The following MRPS31 variants were observed in gnomAD, a reference collection of about 807,000 sequenced individuals.
The protein encoded by MRPS31 is mitochondrial ribosomal protein S31.
Under a neutral mutation model 43.1 loss-of-function variants are expected in MRPS31, and 32 were observed. The ratio of observed to expected loss-of-function variants is 0.74; its 90% CI spans 0.56 to 1.00. The LOEUF (loss-of-function observed/expected upper bound fraction) is 1.00, where lower values mean the gene tolerates loss of function less well. Ranked by LOEUF, MRPS31 falls within the 50% of genes least tolerant of loss-of-function variation. MRPS31 has a pLI of 0.00. For synonymous variants in MRPS31, 165 were observed against 161.6 expected (o/e 1.02, Z -0.16); for missense variants, 437 against 466.7 (o/e 0.94, Z 0.59).
At chr13:40,733,440 T>C (rs1449181941) in intron 6 of MRPS31, among the ~76,000 whole-genome samples, 1 of 152,100 alleles carries the variant, frequency 6.6e-6, no homozygotes, top group Non-Finnish European at 1.5e-5. Flanking sequence ...AATTATCAAA[T>C]GATACAAGAA....
In MRPS31 at chr13:40,738,131, A is replaced by C. The variant is rs1168447318; in HGVS notation, c.959-8530T>G. On this transcript the variant is annotated intron_variant, in intron 6 of 6. Coordinates refer to ENST00000323563, the MANE Select transcript of MRPS31 (RefSeq NM_005830.4). ...ATCACCACCAATCCCACAGAAATAC[A>C]AACTACCATCAGAGAATACTACAAA... 2.0e-5 allele frequency among the ~76,000 whole-genome samples: 3 copies of C among 152,320 alleles called. No individual in the cohort carries two copies. The South Asian group carries it at 6.2e-4, about 32-fold the overall frequency.
chr13:40,740,949 A>T (rs866128702), intron 6 of MRPS31, among the ~76,000 whole-genome samples: 1,870 of 148,772 alleles, frequency 0.013, 47 homozygotes, highest in African/African-American at 0.043. Context: ...AAAAAAATTA[A>T]AAAAAAAAAC....
chr13:40,770,962 C>T (rs770860453), intron 1 of MRPS31, 23 bp downstream of exon 1: 2 of 1,613,992 alleles, frequency 1.2e-6, no homozygotes, highest in South Asian at 1.1e-5. Flanking sequence ...CAGGACGGGG[C>T]ACGGGGTTGC....
chr13:40,742,689 G>A (rs73457381), intron 6 of MRPS31, among the ~76,000 whole-genome samples: 6,853 of 152,148 alleles, frequency 0.045, 319 homozygotes, highest in East Asian at 0.14. Context: ...ACATATTTCA[G>A]ATACCCTAGA....
chr13:40,732,041 AGGC>A (rs1879715605), intron 6 of MRPS31, among the ~76,000 whole-genome samples: 2 of 152,254 alleles, frequency 1.3e-5, no homozygotes, highest in South Asian at 4.1e-4. Context: ...AAATAGAAAA[AGGC>A]TACAGAGCTA....
At chr13:40,769,373 CATATATATATATAT>C (rs201190639) in intron 1 of MRPS31, among the ~76,000 whole-genome samples, 2,219 of 65,516 alleles carry the variant, frequency 0.034, 84 homozygotes, top group South Asian at 0.09. Context: ...AGACTCTGTC[CATATATATATATAT>C]ATATATATAT....
At chr13:40,760,306 A>G (rs1223476160) in intron 2 of MRPS31, among the ~76,000 whole-genome samples, 2 of 152,076 alleles carry the variant, frequency 1.3e-5, no homozygotes, top group Non-Finnish European at 2.9e-5. Flanking sequence ...TGTGTGGGTC[A>G]CAGGGACTTA....
At chr13:40,752,807 A>T (rs1160427763) in intron 5 of MRPS31, among the ~76,000 whole-genome samples, 3 of 151,994 alleles carry the variant, frequency 2.0e-5, no homozygotes, top group Non-Finnish European at 2.9e-5. Context: ...TAGCACAATC[A>T]TAGCTCACAG....
chr13:40,767,646 A>G (rs1880888227), intron 1 of MRPS31, among the ~76,000 whole-genome samples: 2 of 152,144 alleles, frequency 1.3e-5, no homozygotes, highest in African/African-American at 4.8e-5. Context: ...TGGGGTGGCC[A>G]GGGGAGGTCT....
intron 5 of MRPS31, among the ~76,000 whole-genome samples, chr13:40,751,534 T>C (rs1347334928): frequency 6.6e-6 from 1 of 152,184 alleles, no homozygotes; most frequent in East Asian, 1.9e-4. Context: ...GGATAACCAG[T>C]AGGGCCTATG....
rs1378020877 is a variant in MRPS31, at chr13:40,759,609, G to A, written c.441-503C>T. Among the ~76,000 whole-genome samples the A allele has an allele frequency of 3.9e-5, 6 of 152,064 alleles. No homozygotes were observed. In the South Asian group the frequency reaches 1.0e-3, roughly 26 times the overall value. On this transcript the variant is annotated intron_variant, in intron 2 of 6. Transcript: ENST00000323563. ...CAAGAATTCTCAACTATTAGGTACC[G>A]GTTTTATATAAACTTTGAAATGTTA...
intron 2 of MRPS31, among the ~76,000 whole-genome samples, chr13:40,762,782 T>TTGTGTG (rs60906711): frequency 1.1e-4 from 14 of 129,990 alleles, no homozygotes; most frequent in East Asian, 6.7e-4. Flanking sequence ...AGTATAGACA[T>TTGTGTG]TGTGTGTGTG....
Position 40,729,507 on chromosome 13 carries a change from C to T in MRPS31, c.1053G>A (p.Met351Ile), listed in dbSNP as rs34392264. The change falls in exon 7 of 7, where the codon ATG (methionine) becomes ATA (isoleucine). Residue 351 changes from methionine (M) to isoleucine (I), a missense_variant. Coordinates refer to ENST00000323563, the MANE Select transcript of MRPS31 (RefSeq NM_005830.4). ...FPKQGPIRHF[M>I]ELVTCGLSKN... ...TGGAAAGGCCACAAGTCACCAGCTCCATGAAGTGGCGAATTGGTCCTTGTT... is the reference window on the plus strand; with the variant it reads ...TGGAAAGGCCACAAGTCACCAGCTCTATGAAGTGGCGAATTGGTCCTTGTT... The T allele has an allele frequency of 3.9e-4, 630 of 1,613,984 alleles. 5 individuals are homozygous for T. The African/African-American group carries it at 7.5e-3, about 19-fold the overall frequency.
chr13:40,729,916 G>GA (rs1879629369), intron 6 of MRPS31, among the ~76,000 whole-genome samples: 1 of 151,764 alleles, frequency 6.6e-6, no homozygotes, highest in African/African-American at 2.4e-5. Context: ...TTTTAGTAGA[G>GA]ACAGGGTTTC....
intron 6 of MRPS31, among the ~76,000 whole-genome samples, chr13:40,733,329 T>C (rs1566103317): frequency 6.6e-6 from 1 of 151,876 alleles, no homozygotes; most frequent in Non-Finnish European, 1.5e-5. Flanking sequence ...AAGTTAAAAA[T>C]ATGGCAACAA....
chr13:40,740,883 G>A (rs1189589044), intron 6 of MRPS31, among the ~76,000 whole-genome samples: 8 of 149,022 alleles, frequency 5.4e-5, no homozygotes, highest in South Asian at 2.1e-4. Flanking sequence ...ACATGTATAC[G>A]TATGTAACTA....
chr13:40,750,487 A>T (rs8000482), intron 5 of MRPS31, among the ~76,000 whole-genome samples: 21,685 of 151,954 alleles, frequency 0.14, 1,855 homozygotes, highest in East Asian at 0.25. Context: ...TGTCAAAATT[A>T]GTCAAGTTAT....
At chr13:40,763,375 C>T (rs1302271419) in intron 2 of MRPS31, among the ~76,000 whole-genome samples, 1 of 152,214 alleles carries the variant, frequency 6.6e-6, no homozygotes, top group East Asian at 1.9e-4. Context: ...TACTGCCCCA[C>T]AGCAGCCAGT....
chr13:40,743,695 AAAC>A (rs1430725810), intron 6 of MRPS31, among the ~76,000 whole-genome samples: 4 of 152,186 alleles, frequency 2.6e-5, no homozygotes, highest in African/African-American at 9.7e-5. Flanking sequence ...AAAATGCTGA[AAAC>A]AACAGATGCT....
Sources: gnomAD v4.1 joint callset for allele counts (sites outside exome capture counted in the v4.1 genomes callset) on GRCh38, gnomAD v4.1.1 for gene constraint, MANE v1.5 for transcripts, NCBI Gene and HGNC (gene_info 2026-07-23, HGNC 2026-07-21) for gene names.